EHBP1: variants seen among roughly 807,000 people sequenced by gnomAD.
EHBP1 encodes the protein EH domain binding protein 1.
EHBP1 carries 55 observed loss-of-function variants against 144.0 expected under a neutral mutation model. The observed-to-expected ratio is 0.38, with a 90% CI of 0.31 to 0.48. The LOEUF (loss-of-function observed/expected upper bound fraction) is 0.48, where lower values mean the gene tolerates loss of function less well. Ranked by LOEUF, EHBP1 falls within the 20% of genes least tolerant of loss-of-function variation. EHBP1 has a pLI of 0.98. For synonymous variants in EHBP1, 469 were observed against 472.7 expected (o/e 0.99, Z 0.10); for missense variants, 1,200 against 1,364.2 (o/e 0.88, Z 1.90).
intron 5 of EHBP1, among the ~76,000 whole-genome samples, chr2:62,774,833 A>C (rs1573280043): frequency 6.6e-6 from 1 of 152,210 alleles, no homozygotes; most frequent in East Asian, 1.9e-4. Context: ...TGACTAAGTG[A>C]AACCCTGTCT....
At position 62,806,393 on chromosome 2, in the gene EHBP1, C is replaced by T. The variant is rs191677569; in HGVS notation, c.313-19694C>T. On this transcript the variant is annotated intron_variant, in intron 5 of 22. Coordinates refer to ENST00000431489, the MANE Select transcript of EHBP1 (RefSeq NM_001142616.3). The stretch of plus-strand genomic sequence containing the variant: ...TTTGTTTTTTTTTGTTTTTTTGAGG[C>T]GGAGTCTTGCTGTGTCACCCAGGTT... Among the ~76,000 whole-genome samples the T allele has an allele frequency of 2.1e-3, 315 of 151,612 alleles. 3 individuals carry two copies. The highest frequency in any genetic ancestry group is 6.6e-3 in the African/African-American group (273 of 41,326).
intron 7 of EHBP1, among the ~76,000 whole-genome samples, chr2:62,843,872 A>G (rs1041252724): frequency 2.0e-5 from 3 of 152,226 alleles, no homozygotes; most frequent in African/African-American, 4.8e-5. Flanking sequence ...TTTACCAGCA[A>G]AAGTGGCAAT....
intron 2 of EHBP1, among the ~76,000 whole-genome samples, chr2:62,719,397 T>C (rs2035992791): frequency 6.6e-6 from 1 of 152,220 alleles, no homozygotes; most frequent in South Asian, 2.1e-4. Context: ...CTCACGTTGA[T>C]TTTTCTATTC....
intron 10 of EHBP1, chr2:62,940,097 G>A: frequency 2.3e-6 from 1 of 433,562 alleles, no homozygotes; most frequent in South Asian, 1.7e-5. Context: ...CAGTTGGGAT[G>A]CCTACCAAGA....
intron 2 of EHBP1, among the ~76,000 whole-genome samples, chr2:62,725,448 G>A (rs1365976722): frequency 1.3e-5 from 2 of 152,210 alleles, no homozygotes; most frequent in East Asian, 1.9e-4. Context: ...TGTGCATGCC[G>A]TCATGCTGGT....
intron 10 of EHBP1, among the ~76,000 whole-genome samples, chr2:62,879,364 T>C: frequency 6.6e-6 from 1 of 152,142 alleles, no homozygotes; most frequent in East Asian, 1.9e-4. Context: ...CTAAATGACA[T>C]GATCTTGTAT....
At chr2:62,859,406 G>A in intron 8 of EHBP1, 115 bp downstream of exon 8, 1 of 1,024,394 alleles carries the variant, frequency 9.8e-7, no homozygotes, top group Non-Finnish European at 1.4e-6. Flanking sequence ...TGTTTATAAT[G>A]ATATTATTAT....
chr2:62,753,108 A>G (rs1276194487), intron 3 of EHBP1, among the ~76,000 whole-genome samples: 2 of 152,158 alleles, frequency 1.3e-5, no homozygotes, highest in Admixed American at 1.3e-4. Context: ...GATGGTCTTT[A>G]CAATTTGGCA....
At chr2:62,827,957 C>G (rs1265089162) in intron 6 of EHBP1, among the ~76,000 whole-genome samples, 1 of 152,188 alleles carries the variant, frequency 6.6e-6, no homozygotes, top group East Asian at 1.9e-4. Context: ...GTGTGAGCCA[C>G]CGCGCCCAGC....
intron 5 of EHBP1, among the ~76,000 whole-genome samples, chr2:62,797,686 A>G (rs374775287): frequency 6.6e-6 from 1 of 152,330 alleles, no homozygotes; most frequent in South Asian, 2.1e-4. Flanking sequence ...GCCTGCATCT[A>G]TCTTTTTTAA....
chr2:63,032,592 A>AT (rs2061301620), intron 19 of EHBP1, among the ~76,000 whole-genome samples: 1 of 150,302 alleles, frequency 6.7e-6, no homozygotes, highest in Non-Finnish European at 1.5e-5. Flanking sequence ...AAAAAAAAAA[A>AT]GTCAGTTCAG....
intron 14 of EHBP1, among the ~76,000 whole-genome samples, chr2:62,969,361 A>G (rs1363536338): frequency 6.6e-6 from 1 of 152,140 alleles, no homozygotes; most frequent in Non-Finnish European, 1.5e-5. Flanking sequence ...AGGATTCTTT[A>G]TTTGTATAGC....
chr2:62,840,939 T>C (rs1240298172), intron 7 of EHBP1, among the ~76,000 whole-genome samples: 1 of 152,150 alleles, frequency 6.6e-6, no homozygotes, highest in African/African-American at 2.4e-5. Flanking sequence ...TGGTGATTCC[T>C]CAGGGATCTA....
At chr2:62,939,247 G>A (rs1273792357) in intron 10 of EHBP1, among the ~76,000 whole-genome samples, 1 of 152,072 alleles carries the variant, frequency 6.6e-6, no homozygotes. Flanking sequence ...CTGAATTGGG[G>A]TTGGATGATG....
At chr2:62,766,569 A>G (rs942730455) in intron 4 of EHBP1, among the ~76,000 whole-genome samples, 1 of 152,020 alleles carries the variant, frequency 6.6e-6, no homozygotes, top group Non-Finnish European at 1.5e-5. Context: ...TTCCTACCTC[A>G]CTTCTGATAC....
chr2:62,903,854 T>A (rs575864058), intron 10 of EHBP1, among the ~76,000 whole-genome samples: 1 of 152,086 alleles, frequency 6.6e-6, no homozygotes, highest in East Asian at 1.9e-4. Context: ...AAGGAGAAAA[T>A]TTTCGTCCAT....
intron 1 of EHBP1, among the ~76,000 whole-genome samples, chr2:62,689,618 A>G (rs995209258): frequency 6.6e-6 from 1 of 152,208 alleles, no homozygotes; most frequent in Non-Finnish European, 1.5e-5. Context: ...GATAACCGAG[A>G]TTGTGCCACT....
intron 10 of EHBP1, among the ~76,000 whole-genome samples, chr2:62,905,921 A>G (rs1469221585): frequency 6.6e-6 from 1 of 152,166 alleles, no homozygotes; most frequent in Non-Finnish European, 1.5e-5. Context: ...AAACGATGGT[A>G]GTTTAGATTA....
rs1207900529 is a variant in EHBP1, at chr2:62,845,737, G to A, written c.635-13432G>A. Among the ~76,000 whole-genome samples, 8 of 151,118 alleles carry A rather than the reference G, an allele frequency of 5.3e-5. No homozygotes were observed. In the South Asian group the frequency reaches 6.3e-4, roughly 12 times the overall value. On this transcript the variant is annotated intron_variant, in intron 7 of 22. Transcript: ENST00000431489. ...AGATTAGCCAGGCTTGGTGGCATGCGCCTGTAGTCCCAGCTACTTGGAGGT... is the reference window on the plus strand; with the variant it reads ...AGATTAGCCAGGCTTGGTGGCATGCACCTGTAGTCCCAGCTACTTGGAGGT...
Sources: allele counts gnomAD v4.1 joint callset (sites outside exome capture counted in the v4.1 genomes callset), GRCh38; gene constraint gnomAD v4.1.1; transcripts MANE v1.5; gene names NCBI Gene and HGNC (gene_info 2026-07-23, HGNC 2026-07-21).